CHRNA6: variants seen among roughly 807,000 people sequenced by gnomAD.
CHRNA6 encodes neuronal acetylcholine receptor subunit alpha-6.
Under a neutral mutation model 40.9 loss-of-function variants are expected in CHRNA6, and 31 were observed. The ratio of observed to expected loss-of-function variants is 0.76; its 90% CI spans 0.57 to 1.02. The LOEUF (loss-of-function observed/expected upper bound fraction) is 1.02, where lower values mean the gene tolerates loss of function less well. CHRNA6 is among the 50% of genes least tolerant of loss of function. CHRNA6 has a pLI of 0.00. For synonymous variants in CHRNA6, 222 were observed against 221.3 expected (o/e 1.00, Z -0.03); for missense variants, 546 against 596.6 (o/e 0.92, Z 0.88).
rs1817004138 is a variant in CHRNA6 at position 42,768,629 on chromosome 8, G to A, written c.-199C>T. The A allele has an allele frequency of 4.2e-6, 2 of 481,028 alleles. No individual in the cohort carries two copies. The highest frequency in any genetic ancestry group is 7.5e-6 in the Non-Finnish European group (2 of 266,950). 29.8% of individuals were successfully genotyped at this position (481,028 alleles called of 1,614,324 possible). A position where few individuals can be genotyped will look rare whatever the true frequency, so the allele number is the denominator to read the frequency against. On this transcript the variant is annotated 5_prime_UTR_variant, in exon 1 of 6. Coordinates refer to ENST00000276410, the MANE Select transcript of CHRNA6 (RefSeq NM_004198.3). ...AGAGACTGAGGCAGACATGAAGGGCGAATAAAAAAGATTCGATCTGATGTC... is the reference window on the plus strand; with the variant it reads ...AGAGACTGAGGCAGACATGAAGGGCAAATAAAAAAGATTCGATCTGATGTC...
In CHRNA6 at chr8:42,759,263, G is replaced by A. The variant is rs78495123; in HGVS notation, c.220-150C>T. On this transcript the variant is annotated intron_variant, in intron 2 of 5. Transcript: ENST00000276410. ...GGCAATGTGTGAAAGCATTCAGCAT[G>A]CAAGCAGAAATGCCGCATTTTCACA... The A allele has an allele frequency of 2.4e-3, 1,537 of 634,248 alleles. 22 individuals are homozygous for A. The African/African-American group carries it at 0.026, about 11-fold the overall frequency. 39.3% of individuals were successfully genotyped at this position (634,248 alleles called of 1,614,324 possible).
At position 42,756,974 on chromosome 8, in the gene CHRNA6, C is replaced by T. The variant is rs74376609; in HGVS notation, c.328G>A (p.Val110Ile). Reference protein sequence around the residue: ...MEYDGIETLRVPADKIWKPDI... With the variant: ...MEYDGIETLRIPADKIWKPDI... ...GGCTTCCAAATCTTATCTGCAGGAA[C>T]GCGAAGAGTCTCAATGCCATCATAT... Residue 110 changes from valine (V) to isoleucine (I), a missense_variant, in exon 4 of 6, where the codon GTT becomes ATT. Transcript: ENST00000276410. 7.8e-5 allele frequency: 126 copies of T among 1,614,048 alleles called. No homozygotes were observed. The highest frequency in any genetic ancestry group is 1.0e-4 in the Non-Finnish European group (122 of 1,179,874).
intron 1 of CHRNA6, among the ~76,000 whole-genome samples, chr8:42,767,525 G>T (rs1338822118): frequency 1.3e-5 from 2 of 152,096 alleles, no homozygotes; most frequent in Non-Finnish European, 2.9e-5. Context: ...AAAAAAAATG[G>T]AAAGGGATTG....
chr8:42,760,335 T>TGC (rs35911200), intron 2 of CHRNA6, among the ~76,000 whole-genome samples: 50,483 of 149,894 alleles, frequency 0.34, 11,534 homozygotes, highest in African/African-American at 0.66. Context: ...CTCACACTCA[T>TGC]GCGCACACAC....
At chr8:42,760,443 C>G (rs1160446587) in intron 2 of CHRNA6, among the ~76,000 whole-genome samples, 1 of 146,976 alleles carries the variant, frequency 6.8e-6, no homozygotes, top group Admixed American at 7.1e-5. Context: ...CACACTCGTA[C>G]GTGTGCACTC....
rs572663965 is a variant in CHRNA6, at chr8:42,754,182, T to TA, written c.1354-873dup. 6.7e-5 allele frequency among the ~76,000 whole-genome samples: 10 copies of TA among 149,458 alleles called. No homozygotes were observed. The East Asian group carries it at 9.8e-4, about 15-fold the overall frequency. On this transcript the variant is annotated intron_variant, in intron 5 of 5. Coordinates refer to ENST00000276410, the MANE Select transcript of CHRNA6 (RefSeq NM_004198.3). ...AGTCAACAGCAGCTGTTTCTTCGATTAAAAAAAAAATGTTAGGGACAGGAT... is the reference window on the plus strand; with the variant it reads ...AGTCAACAGCAGCTGTTTCTTCGATTAAAAAAAAAAATGTTAGGGACAGGAT...
At chr8:42,760,642 G>GCA (rs1032751216) in intron 2 of CHRNA6, among the ~76,000 whole-genome samples, 1 of 152,064 alleles carries the variant, frequency 6.6e-6, no homozygotes, top group Admixed American at 6.6e-5. Flanking sequence ...TCACAGTCAT[G>GCA]CACACACACG....
intron 2 of CHRNA6, 66 bp downstream of exon 2, chr8:42,764,999 T>C: frequency 6.5e-7 from 1 of 1,537,484 alleles, no homozygotes; most frequent in Non-Finnish European, 8.9e-7. Flanking sequence ...ATTTCTAAAA[T>C]TCCTTCATTT....
intron 2 of CHRNA6, 32 bp from the exon 3 acceptor site, chr8:42,759,145 A>T: frequency 6.3e-7 from 1 of 1,588,924 alleles, no homozygotes. Flanking sequence ...TTTAGCCTCA[A>T]ATGTGCTTGC....
At position 42,754,746 on chromosome 8, in the gene CHRNA6, C is replaced by A. The variant is rs564941273; in HGVS notation, c.1353+1100G>T. 3.9e-5 allele frequency among the ~76,000 whole-genome samples: 6 copies of A among 152,310 alleles called. No homozygotes were observed. In the South Asian group the frequency reaches 1.2e-3, roughly 32 times the overall value. On this transcript the variant is annotated intron_variant, in intron 5 of 5. Coordinates refer to ENST00000276410, the MANE Select transcript of CHRNA6 (RefSeq NM_004198.3). ...CATGGTGTGGGAAATTGGCATGATT[C>A]TCTTGAGCTCTGTCTTTGGAAGCTG... is the stretch of plus-strand genomic sequence containing the variant.
At chr8:42,757,429 A>G (rs1355065191) in intron 3 of CHRNA6, among the ~76,000 whole-genome samples, 1 of 147,138 alleles carries the variant, frequency 6.8e-6, no homozygotes, top group Non-Finnish European at 1.5e-5. Flanking sequence ...TGTTGTTGAA[A>G]AAAGAATACA....
At chr8:42,764,872 A>G in intron 2 of CHRNA6, 193 bp downstream of exon 2, 2 of 591,030 alleles carry the variant, frequency 3.4e-6, no homozygotes, top group South Asian at 2.3e-5. Context: ...TTCTCAAAGC[A>G]CTTCCAGGAA....
rs147699054 is a variant in CHRNA6, at chr8:42,757,858, C to T, written c.265-821G>A. Among the ~76,000 whole-genome samples, 832 of 151,370 alleles carry T rather than the reference C, an allele frequency of 5.5e-3. 6 individuals are homozygous for T. Among genetic ancestry groups the T allele is most frequent in the African/African-American group, 0.019 (792 of 41,270 alleles). ...ACCATCCTGCCTAACACGGTGAAAC[C>T]CCGTCTCTACTAAAAATACAAAAAA... On this transcript the variant is annotated intron_variant, in intron 3 of 5. Transcript: ENST00000276410.
intron 1 of CHRNA6, among the ~76,000 whole-genome samples, chr8:42,766,521 A>AGAAAGAAAGAAAGAAAGAAAGAAAG (rs1563627476): frequency 2.0e-5 from 3 of 151,826 alleles, no homozygotes; most frequent in African/African-American, 4.8e-5. Context: ...AAAGAAAGAA[A>AGAAAGAAAGAAAGAAAGAAAGAAAG]ATGTGGTATA....
chr8:42,762,918 C>G (rs1003882027), intron 2 of CHRNA6, among the ~76,000 whole-genome samples: 1 of 152,190 alleles, frequency 6.6e-6, no homozygotes, highest in African/African-American at 2.4e-5. Context: ...TTTCTTACAA[C>G]TGCATGTCAA....
At chr8:42,755,403 A>G (rs931135897) in intron 5 of CHRNA6, among the ~76,000 whole-genome samples, 1 of 152,008 alleles carries the variant, frequency 6.6e-6, no homozygotes, top group East Asian at 1.9e-4. Flanking sequence ...CAACCTCCCA[A>G]GTAGTTGGGA....
At chr8:42,759,188 C>T in intron 2 of CHRNA6, 75 bp from the exon 3 acceptor site, 1 of 1,112,614 alleles carries the variant, frequency 9.0e-7, no homozygotes, top group Admixed American at 1.7e-5. Flanking sequence ...AAAATTACAA[C>T]TAAAAAGAAC....
At chr8:42,763,710 T>G (rs1816936110) in intron 2 of CHRNA6, among the ~76,000 whole-genome samples, 1 of 152,060 alleles carries the variant, frequency 6.6e-6, no homozygotes, top group African/African-American at 2.4e-5. Context: ...ACCAAATAAA[T>G]ACTCACTAAA....
At chr8:42,761,614 C>G (rs1403074286) in intron 2 of CHRNA6, among the ~76,000 whole-genome samples, 1 of 152,222 alleles carries the variant, frequency 6.6e-6, no homozygotes, top group Admixed American at 6.5e-5. Context: ...GATGTGGACA[C>G]CTTCAGAGAT....
Sources: allele counts gnomAD v4.1 joint callset (sites outside exome capture counted in the v4.1 genomes callset), GRCh38; gene constraint gnomAD v4.1.1; transcripts MANE v1.5; gene names NCBI Gene and HGNC (gene_info 2026-07-23, HGNC 2026-07-21).